ACACA: variants seen among roughly 807,000 people sequenced by gnomAD.
ACACA encodes the protein acetyl-CoA carboxylase 1.
In ACACA, 103 loss-of-function variants were observed where a neutral mutation model predicts 296.1. The observed-to-expected ratio is 0.35, with a 90% CI of 0.30 to 0.41. The LOEUF (loss-of-function observed/expected upper bound fraction) is 0.41. Ranked by LOEUF, ACACA falls within the 10% of genes least tolerant of loss-of-function variation. The pLI, the probability that ACACA is intolerant of heterozygous loss-of-function variation, is 1.00. For synonymous variants in ACACA, 953 were observed against 1,038.6 expected, an observed-to-expected ratio of 0.92 and a Z score of 1.58; for missense variants, 1,554 against 2,989.7, an observed-to-expected ratio of 0.52 and a Z score of 11.20.
At chr17:37,134,173 G>A (rs2075233409) in intron 45 of ACACA, among the ~76,000 whole-genome samples, 2 of 152,174 alleles carry the variant, frequency 1.3e-5, no homozygotes, top group Non-Finnish European at 1.5e-5. Context: ...CCATGCTCAG[G>A]CCTCTGCTGC....
intron 1 of ACACA, among the ~76,000 whole-genome samples, chr17:37,389,031 T>C (rs997939396): frequency 6.6e-6 from 1 of 152,164 alleles, no homozygotes; most frequent in Non-Finnish European, 1.5e-5. Context: ...AAGATTGAGA[T>C]TCTGTGTGAA....
intron 9 of ACACA, 139 bp downstream of exon 9, chr17:37,274,054 A>G: frequency 1.3e-6 from 1 of 752,788 alleles, no homozygotes; most frequent in South Asian, 1.5e-5. Context: ...AGCGTATTCT[A>G]TACTTTCAAA....
chr17:37,179,199 C>A, intron 41 of ACACA, 61 bp downstream of exon 41: 1 of 1,608,210 alleles, frequency 6.2e-7, no homozygotes, highest in South Asian at 1.1e-5. Flanking sequence ...GACCACCTCA[C>A]AGAAAGCTGG....
intron 1 of ACACA, chr17:37,359,082 C>A (rs1274157603): frequency 2.0e-6 from 2 of 985,642 alleles, no homozygotes; most frequent in Non-Finnish European, 2.4e-6. Flanking sequence ...GCCGGCGGCT[C>A]GGGCGATGGC....
chr17:37,313,453 T>C (rs958553781), intron 3 of ACACA, among the ~76,000 whole-genome samples: 2 of 152,236 alleles, frequency 1.3e-5, no homozygotes, highest in South Asian at 2.1e-4. Context: ...CCAGAATATA[T>C]AAGGAGCTCA....
intron 3 of ACACA, among the ~76,000 whole-genome samples, chr17:37,287,882 C>A (rs1598406970): frequency 6.6e-6 from 1 of 152,310 alleles, no homozygotes; most frequent in East Asian, 1.9e-4. Flanking sequence ...GCTCTGTACC[C>A]TTCTTAGAGA....
Position 37,406,624 on chromosome 17 carries a change from G to A in ACACA, c.-325C>T. ...CGGAGGGGACCAAACAGCCCCACGC[G>A]CCAGGAAGCCTCAGGCAACGGGCCA... On this transcript the variant is annotated 5_prime_UTR_variant, in exon 1 of 56. Coordinates refer to ENST00000616317, the MANE Select transcript of ACACA (RefSeq NM_198834.3). 1 of 522,464 alleles carries A rather than the reference G, an allele frequency of 1.9e-6. No individual in the cohort carries two copies. 32.4% of individuals were successfully genotyped at this position (522,464 alleles called of 1,614,324 possible). A position where few individuals can be genotyped will look rare whatever the true frequency, so the allele number is the denominator to read the frequency against.
intron 1 of ACACA, among the ~76,000 whole-genome samples, chr17:37,341,500 G>T (rs941043515): frequency 6.6e-6 from 1 of 152,048 alleles, no homozygotes; most frequent in Non-Finnish European, 1.5e-5. Flanking sequence ...AACCAGCTGG[G>T]CCAACATGGT....
chr17:37,138,198 C>T (rs1239972637), intron 45 of ACACA, among the ~76,000 whole-genome samples: 1 of 152,172 alleles, frequency 6.6e-6, no homozygotes, highest in East Asian at 1.9e-4. Flanking sequence ...GCTGATTAGA[C>T]TGTGTGATGA....
At chr17:37,183,877 A>C (rs1024772675) in intron 39 of ACACA, among the ~76,000 whole-genome samples, 1 of 97,442 alleles carries the variant, frequency 1.0e-5, no homozygotes, top group African/African-American at 4.1e-5. Flanking sequence ...TTGGAGACGG[A>C]GTTTCACTCT....
chr17:37,263,907 A>AG lies in ACACA; in HGVS notation c.1120-14dup, dbSNP rs768863705. On this transcript the variant is annotated splice_polypyrimidine_tract_variant and intron_variant, in intron 10 of 55. Coordinates refer to ENST00000616317, the MANE Select transcript of ACACA (RefSeq NM_198834.3). ...CTTCAGCTTGAACCTGTATTAGAAAAGGGGGAAAAAAAAAACCAATTCTTA... is the reference window on the plus strand; with the variant it reads ...CTTCAGCTTGAACCTGTATTAGAAAAGGGGGGAAAAAAAAAACCAATTCTTA... 7 of 1,607,658 alleles carry AG rather than the reference A, an allele frequency of 4.4e-6. No individual in the cohort carries two copies. The highest frequency in any genetic ancestry group is 2.2e-5 in the South Asian group (2 of 90,616).
Position 37,258,362 on chromosome 17 carries a change from C to T in ACACA, c.1512G>A (p.Gly504=). Residue 504 remains glycine, a synonymous_variant, in exon 13 of 56, where the codon GGG becomes GGA. Coordinates refer to ENST00000616317, the MANE Select transcript of ACACA (RefSeq NM_198834.3). ...LPAAQLQIAM[G]IPLYRIKDIR... Reference sequence around the variant, plus strand: ...TATCCTTGATTCTATATAGAGGAATCCCCATGGCAATCTGAAAGGTAATAA... The same window carrying T: ...TATCCTTGATTCTATATAGAGGAATTCCCATGGCAATCTGAAAGGTAATAA... 6.2e-7 allele frequency: 1 copy of T among 1,613,930 alleles called. No homozygotes were observed. The highest frequency in any genetic ancestry group is 8.5e-7 in the Non-Finnish European group (1 of 1,179,870).
rs146843814 is a variant in ACACA, at chr17:37,183,687, G to A, written c.4777-2331C>T. Among the ~76,000 whole-genome samples, 45 of 151,950 alleles carry A rather than the reference G, an allele frequency of 3.0e-4. No homozygotes were observed. The East Asian group carries it at 8.2e-3, about 28-fold the overall frequency. ...ACTAAAAATACAAAAAAAAGGCTGA[G>A]GCAGGAGAATGGTGTGAACCCGGGA... On this transcript the variant is annotated intron_variant, in intron 39 of 55. Transcript: ENST00000616317.
At position 37,246,987 on chromosome 17, in the gene ACACA, A is replaced by G. The variant is rs748873466; in HGVS notation, c.2310-11T>C. 1 of 1,614,106 alleles carries G rather than the reference A, an allele frequency of 6.2e-7. No homozygotes were observed. The highest frequency in any genetic ancestry group is 8.5e-7 in the Non-Finnish European group (1 of 1,179,976). ...ATTGTGATGCGATATCTAGGAGACAAGTGGAAGTATGTAAGCTAAGAAAGC... is the reference window on the plus strand; with the variant it reads ...ATTGTGATGCGATATCTAGGAGACAGGTGGAAGTATGTAAGCTAAGAAAGC... On this transcript the variant is annotated splice_polypyrimidine_tract_variant and intron_variant, in intron 18 of 55. Transcript: ENST00000616317.
intron 43 of ACACA, among the ~76,000 whole-genome samples, chr17:37,153,488 T>C (rs1401221712): frequency 6.6e-6 from 1 of 152,218 alleles, no homozygotes; most frequent in Non-Finnish European, 1.5e-5. Context: ...GAAAATGTCC[T>C]GTCTTTGCAA....
chr17:37,139,121 A>G (rs949186953), intron 45 of ACACA, among the ~76,000 whole-genome samples: 1 of 152,212 alleles, frequency 6.6e-6, no homozygotes, highest in Non-Finnish European at 1.5e-5. Flanking sequence ...AGCTATGAAT[A>G]TATGTAGAAA....
intron 10 of ACACA, 57 bp downstream of exon 10, chr17:37,270,694 T>A: frequency 7.8e-7 from 1 of 1,279,372 alleles, no homozygotes; most frequent in Non-Finnish European, 1.1e-6. Flanking sequence ...ATGAGTTAAA[T>A]CATATATCTC....
At chr17:37,238,375 C>T (rs1049431387) in intron 24 of ACACA, among the ~76,000 whole-genome samples, 3 of 150,074 alleles carry the variant, frequency 2.0e-5, no homozygotes, top group African/African-American at 4.9e-5. Flanking sequence ...TCTACAATGC[C>T]TCCTCTATCA....
At chr17:37,162,699 T>C in intron 41 of ACACA, 1 of 261,484 alleles carries the variant, frequency 3.8e-6, no homozygotes, top group South Asian at 4.2e-5. Flanking sequence ...TGCCCTTCTA[T>C]GGTATGCGAA....
Sources: gnomAD v4.1 joint callset for allele counts (sites outside exome capture counted in the v4.1 genomes callset) on GRCh38, gnomAD v4.1.1 for gene constraint, MANE v1.5 for transcripts, NCBI Gene and HGNC (gene_info 2026-07-23, HGNC 2026-07-21) for gene names.